The following FARP2 variants were observed in gnomAD, a reference collection of about 807,000 sequenced individuals.
The protein encoded by FARP2 is FERM, ARH/RhoGEF and pleckstrin domain protein 2, also known as FERM, ARHGEF and pleckstrin domain-containing protein 2.
In FARP2, 111 loss-of-function variants were observed where a neutral mutation model predicts 130.5. The observed-to-expected ratio is 0.85, with a 90% confidence interval of 0.73 to 1.00. FARP2 has a LOEUF of 1.00. FARP2 is among the 50% of genes least tolerant of loss of function. The pLI, the probability that FARP2 is intolerant of heterozygous loss-of-function variation, is 0.00. For synonymous variants in FARP2, 504 were observed against 516.9 expected (o/e 0.98, Z 0.34); for missense variants, 1,385 against 1,346.3 (o/e 1.03, Z -0.45).
chr2:241,383,126 G>A (rs1290486536), intron 2 of FARP2, among the ~76,000 whole-genome samples: 2 of 152,246 alleles, frequency 1.3e-5, no homozygotes, highest in Non-Finnish European at 2.9e-5. Context: ...GCCAGCACGT[G>A]TTTGGCAGGT....
At chr2:241,466,390 G>A in intron 17 of FARP2, 1 of 985,444 alleles carries the variant, frequency 1.0e-6, no homozygotes, top group Admixed American at 6.1e-5. Flanking sequence ...CCAGGTGCAG[G>A]TGGGTGCCAG....
At chr2:241,429,314 C>G (rs903286066) in intron 8 of FARP2, among the ~76,000 whole-genome samples, 1 of 152,142 alleles carries the variant, frequency 6.6e-6, no homozygotes, top group Non-Finnish European at 1.5e-5. Flanking sequence ...CATTATGTCT[C>G]TCTGGTCTCT....
chr2:241,362,149 C>T (rs1171537280), intron 1 of FARP2, among the ~76,000 whole-genome samples: 2 of 152,004 alleles, frequency 1.3e-5, no homozygotes, highest in Non-Finnish European at 2.9e-5. Context: ...CACCTGCCTC[C>T]GTCTCCCAAA....
At position 241,463,966 on chromosome 2, in the gene FARP2, A is replaced by T; in HGVS notation, c.1879A>T (p.Met627Leu). The T allele has an allele frequency of 6.2e-7, 1 of 1,614,014 alleles. No homozygotes were observed. Among genetic ancestry groups the T allele is most frequent in the Non-Finnish European group, 8.5e-7 (1 of 1,179,892 alleles). Reference protein sequence around the residue: ...QRIGDILLRNMRQLKEFTSYF... With the variant: ...QRIGDILLRNLRQLKEFTSYF... The stretch of plus-strand genomic sequence containing the variant: ...AATCGGGGACATCCTGCTCAGGAAC[A>T]TGCGCCAGTTAAAGGTAGGCTGCAT... Residue 627 changes from methionine (M) to leucine (L), a missense_variant, in exon 17 of 27, where the codon ATG (methionine) becomes TTG (leucine). Physicochemically the swap from Met to Leu is conservative, Grantham distance 15 (BLOSUM62 2). Coordinates refer to ENST00000264042, the MANE Select transcript of FARP2 (RefSeq NM_014808.4).
At chr2:241,493,857 A>G in intron 26 of FARP2, 151 bp from the exon 27 acceptor site, 2 of 554,236 alleles carry the variant, frequency 3.6e-6, no homozygotes, top group Non-Finnish European at 6.4e-6. Flanking sequence ...TCAGCCTCCC[A>G]AAGTGCTGGG....
At chr2:241,450,883 C>T (rs1039062658) in intron 13 of FARP2, among the ~76,000 whole-genome samples, 2 of 151,896 alleles carry the variant, frequency 1.3e-5, no homozygotes, top group African/African-American at 2.4e-5. Context: ...ATCCAGGAAG[C>T]GGAGGTTGTA....
At chr2:241,400,980 C>G (rs2062151302) in intron 2 of FARP2, among the ~76,000 whole-genome samples, 1 of 152,234 alleles carries the variant, frequency 6.6e-6, no homozygotes, top group African/African-American at 2.4e-5. Context: ...CAGATGCCCA[C>G]AGGCATCAGA....
chr2:241,470,842 CAG>C (rs1173362343), intron 18 of FARP2, among the ~76,000 whole-genome samples: 4 of 150,894 alleles, frequency 2.7e-5, no homozygotes, highest in African/African-American at 9.8e-5. Flanking sequence ...ATGCTGCTCT[CAG>C]GGGACCCTGT....
intron 17 of FARP2, chr2:241,465,766 C>G (rs2064153267): frequency 1.3e-6 from 2 of 1,550,496 alleles, no homozygotes; most frequent in South Asian, 2.4e-5. Context: ...GACTCAAGCT[C>G]CCCCTCCTCC....
At chr2:241,467,917 T>C (rs1455233742) in intron 17 of FARP2, among the ~76,000 whole-genome samples, 1 of 152,182 alleles carries the variant, frequency 6.6e-6, no homozygotes, top group African/African-American at 2.4e-5. Flanking sequence ...GTGGTGCATG[T>C]AGCAGTGAAT....
chr2:241,424,973 C>A lies in FARP2; in HGVS notation c.772-6706C>A, dbSNP rs377643518. On this transcript the variant is annotated intron_variant, in intron 8 of 26. Coordinates refer to ENST00000264042, the MANE Select transcript of FARP2 (RefSeq NM_014808.4). ...TCTGAATCCCAGCACTTTCGGAGGC[C>A]AATGGGGGCAGATCACTTGATGTCA... 6.6e-5 allele frequency among the ~76,000 whole-genome samples: 10 copies of A among 152,254 alleles called. No homozygotes were observed. The East Asian group carries it at 1.9e-3, about 29-fold the overall frequency.
intron 6 of FARP2, among the ~76,000 whole-genome samples, chr2:241,413,015 G>A (rs983470628): frequency 1.3e-5 from 2 of 152,148 alleles, no homozygotes; most frequent in African/African-American, 2.4e-5. Context: ...TCAACAGAAC[G>A]AGACCTTGTG....
At chr2:241,478,957 G>T in intron 19 of FARP2, 2 of 414,210 alleles carry the variant, frequency 4.8e-6, no homozygotes, top group South Asian at 3.2e-5. Context: ...CCAGAAAGAA[G>T]GCCAAGATTT....
At position 241,491,742 on chromosome 2, in the gene FARP2, C is replaced by T; in HGVS notation, c.2787+63C>T. Reference sequence around the variant, plus strand: ...TGTTCCCAGCTGTCTCTGCACTTGGCTGCTGAGGAGGGGACCTCAGGAGGG... The same window carrying T: ...TGTTCCCAGCTGTCTCTGCACTTGGTTGCTGAGGAGGGGACCTCAGGAGGG... On this transcript the variant is annotated intron_variant, in intron 24 of 26. Coordinates refer to ENST00000264042, the MANE Select transcript of FARP2 (RefSeq NM_014808.4). The T allele has an allele frequency of 4.0e-6, 6 of 1,494,194 alleles. No individual in the cohort carries two copies. The South Asian group carries it at 7.8e-5, about 19-fold the overall frequency. The allele number at this position is 1,494,194 out of a possible 1,614,324, so 92.6% of individuals were successfully genotyped here.
rs149202325 is a variant in FARP2 at position 241,456,108 on chromosome 2, A to C, written c.1412-639A>C. Among the ~76,000 whole-genome samples, 96 of 152,300 alleles carry C rather than the reference A, an allele frequency of 6.3e-4. No individual in the cohort carries two copies. In the East Asian group the frequency reaches 0.014, roughly 22 times the overall value. On this transcript the variant is annotated intron_variant, in intron 13 of 26. Coordinates refer to ENST00000264042, the MANE Select transcript of FARP2 (RefSeq NM_014808.4). ...TTCATCATCTTTAGAATTGGGCTGCAAATTTGGCACCTATTTATTCGAAAA... is the reference window on the plus strand; with the variant it reads ...TTCATCATCTTTAGAATTGGGCTGCCAATTTGGCACCTATTTATTCGAAAA...
rs1327255267 is a variant in FARP2 at position 241,475,626 on chromosome 2, G to C, written c.2132-231G>C. On this transcript the variant is annotated intron_variant, in intron 18 of 26. Coordinates refer to ENST00000264042, the MANE Select transcript of FARP2 (RefSeq NM_014808.4). This position sits in a 1 kb window ranked among gnomAD's most constrained non-coding sequence, Gnocchi z 4.4. Reference sequence around the variant, plus strand: ...ATGCCTGATGATCTGAGGTGGAACAGTTTCATCCCCAAACCATTCCTACCA... The same window carrying C: ...ATGCCTGATGATCTGAGGTGGAACACTTTCATCCCCAAACCATTCCTACCA... Among the ~76,000 whole-genome samples the C allele has an allele frequency of 1.3e-5, 2 of 152,216 alleles. No individual in the cohort carries two copies. The highest frequency in any genetic ancestry group is 2.9e-5 in the Non-Finnish European group (2 of 68,040).
chr2:241,481,007 C>G (rs12988792), intron 19 of FARP2, among the ~76,000 whole-genome samples: 29,134 of 147,676 alleles, frequency 0.2, 3,060 homozygotes, highest in Middle Eastern at 0.26. Context: ...TCACTTGAGG[C>G]CAGGAGATTG....
At chr2:241,423,894 A>G (rs1009505835) in intron 8 of FARP2, among the ~76,000 whole-genome samples, 4 of 152,254 alleles carry the variant, frequency 2.6e-5, no homozygotes, top group Non-Finnish European at 5.9e-5. Context: ...AAAGGGTTCA[A>G]CAAGAAGAGC....
chr2:241,425,823 T>A (rs973689764), intron 8 of FARP2, among the ~76,000 whole-genome samples: 1 of 147,990 alleles, frequency 6.8e-6, no homozygotes, highest in Non-Finnish European at 1.5e-5. Context: ...TGGCAGCATC[T>A]CAAACATTAA....
Sources: gnomAD v4.1 joint callset for allele counts (sites outside exome capture counted in the v4.1 genomes callset) on GRCh38, gnomAD v4.1.1 for gene constraint, Gnocchi (gnomAD v3.1) non-coding constraint, MANE v1.5 for transcripts, NCBI Gene and HGNC (gene_info 2026-07-23, HGNC 2026-07-21) for gene names.